Variants in ABHD18 observed in about 807,000 individuals in gnomAD.
The protein encoded by ABHD18 is abhydrolase domain containing 18.
In ABHD18, 55 loss-of-function variants were observed where a neutral mutation model predicts 65.9. The observed-to-expected ratio is 0.84, with a 90% CI of 0.67 to 1.05. ABHD18 has a LOEUF of 1.05. Among genes scored for constraint, ABHD18 ranks in the 50% least tolerant of loss-of-function variants. The pLI, the probability that ABHD18 is intolerant of heterozygous loss-of-function variation, is 0.00. For missense variants in ABHD18, 533 were observed against 558.5 expected, an observed-to-expected ratio of 0.95 and a Z score of 0.46; for synonymous variants, 181 against 180.2, an observed-to-expected ratio of 1.00 and a Z score of -0.04.
chr4:128,003,013 C>T (rs958112353), intron 4 of ABHD18, among the ~76,000 whole-genome samples: 1 of 152,128 alleles, frequency 6.6e-6, no homozygotes, highest in South Asian at 2.1e-4. Context: ...TTGTTCACCA[C>T]TTGTTTGACA....
chr4:128,035,918 C>T lies in ABHD18; in HGVS notation c.*105C>T. 2 of 553,474 alleles carry T rather than the reference C, an allele frequency of 3.6e-6. No homozygotes were observed. 34.3% of individuals were successfully genotyped at this position (553,474 alleles called of 1,614,324 possible). On this transcript the variant is annotated 3_prime_UTR_variant, in exon 13 of 13. Coordinates refer to ENST00000645843, the MANE Select transcript of ABHD18 (RefSeq NM_001358451.3). The stretch of plus-strand genomic sequence containing the variant: ...AGCAGACAGCACTAATATATCTAAT[C>T]GCTATCAATTTGGTCTGGAATTCAT...
chr4:127,990,922 G>C (rs1750810491), intron 4 of ABHD18, among the ~76,000 whole-genome samples: 2 of 152,146 alleles, frequency 1.3e-5, no homozygotes, highest in South Asian at 4.1e-4. Context: ...AGGCTGGATG[G>C]AGTGCAGTGG....
rs148896888 is a variant in ABHD18, at chr4:128,011,250, A to G, written c.443-423A>G. On this transcript the variant is annotated intron_variant, in intron 6 of 12. Transcript: ENST00000645843. ...GCAGGCTCCGCCCCCCAGGGTTCAC[A>G]CCATTCTCCTGCCTCAGCCTCCCGC... 4.9e-3 allele frequency among the ~76,000 whole-genome samples: 740 copies of G among 151,048 alleles called. 8 individuals are homozygous for G. Among genetic ancestry groups the G allele is most frequent in the African/African-American group, 0.017 (698 of 41,116 alleles).
chr4:128,023,031 A>G (rs1292458293), intron 10 of ABHD18, among the ~76,000 whole-genome samples: 1 of 152,078 alleles, frequency 6.6e-6, no homozygotes, highest in Non-Finnish European at 1.5e-5. Flanking sequence ...GGCCTCCCAG[A>G]GTGCTGGGAT....
At chr4:128,021,350 C>A in intron 10 of ABHD18, 112 bp downstream of exon 10, 1 of 638,078 alleles carries the variant, frequency 1.6e-6, no homozygotes. Flanking sequence ...GCTGTACATA[C>A]TATTTTTTAC....
At chr4:128,027,342 G>C (rs1560930447) in intron 10 of ABHD18, among the ~76,000 whole-genome samples, 1 of 152,082 alleles carries the variant, frequency 6.6e-6, no homozygotes, top group Non-Finnish European at 1.5e-5. Flanking sequence ...GTATTTACAA[G>C]TCCTTAAACT....
At chr4:127,972,216 A>G (rs1391831921) in intron 1 of ABHD18, among the ~76,000 whole-genome samples, 1 of 152,196 alleles carries the variant, frequency 6.6e-6, no homozygotes, top group Admixed American at 6.6e-5. Flanking sequence ...CTGACGCACC[A>G]AGGTGTTCAT....
At chr4:127,992,317 CA>C (rs1229820469) in intron 4 of ABHD18, among the ~76,000 whole-genome samples, 1 of 151,898 alleles carries the variant, frequency 6.6e-6, no homozygotes, top group Non-Finnish European at 1.5e-5. Flanking sequence ...ACTAAAAATA[CA>C]AAAAAATTTA....
chr4:127,974,771 GA>G (rs2149047330), intron 1 of ABHD18, among the ~76,000 whole-genome samples: 1 of 151,712 alleles, frequency 6.6e-6, no homozygotes, highest in African/African-American at 2.4e-5. Context: ...GTAGAGGGTG[GA>G]TCACCTGAGG....
At chr4:127,985,951 G>T (rs1178243362) in intron 3 of ABHD18, among the ~76,000 whole-genome samples, 1 of 152,056 alleles carries the variant, frequency 6.6e-6, no homozygotes, top group Non-Finnish European at 1.5e-5. Context: ...GGATGCGGAG[G>T]TTGCAGTGAA....
At chr4:127,978,359 G>A (rs1318926474) in intron 1 of ABHD18, among the ~76,000 whole-genome samples, 3 of 151,974 alleles carry the variant, frequency 2.0e-5, no homozygotes, top group Non-Finnish European at 4.4e-5. Context: ...TACAATGACC[G>A]CCAATGAGAA....
chr4:128,003,421 A>G (rs902590015), intron 4 of ABHD18, among the ~76,000 whole-genome samples: 10 of 152,042 alleles, frequency 6.6e-5, no homozygotes, highest in Non-Finnish European at 1.3e-4. Context: ...ATTAAAATAC[A>G]TATTGTAAAC....
chr4:128,021,075 T>A, intron 9 of ABHD18, 62 bp from the exon 10 acceptor site: 9 of 899,346 alleles, frequency 1.0e-5, no homozygotes, highest in Non-Finnish European at 1.5e-5. Context: ...GTAATAATAA[T>A]AAAAGTATTG....
chr4:128,011,908 A>G (rs1754646193), intron 7 of ABHD18, among the ~76,000 whole-genome samples: 2 of 152,298 alleles, frequency 1.3e-5, no homozygotes, highest in South Asian at 2.1e-4. Context: ...AGGAAATACA[A>G]TAAAAAATTT....
rs147310155 is a variant in ABHD18, at chr4:128,006,893, G to A, written c.279-2027G>A. 9.0e-4 allele frequency among the ~76,000 whole-genome samples: 137 copies of A among 152,030 alleles called. 2 individuals carry two copies. The highest frequency in any genetic ancestry group is 3.1e-3 in the African/African-American group (127 of 41,472). ...TCAACCCAGGAGTTCAAGACCATTC[G>A]GGGCAACATAAGGAGACTGTCTCCA... is the stretch of plus-strand genomic sequence containing the variant. On this transcript the variant is annotated intron_variant, in intron 4 of 12. Coordinates refer to ENST00000645843, the MANE Select transcript of ABHD18 (RefSeq NM_001358451.3).
At chr4:128,031,659 G>A (rs1316400987) in intron 12 of ABHD18, among the ~76,000 whole-genome samples, 1 of 152,098 alleles carries the variant, frequency 6.6e-6, no homozygotes, top group Non-Finnish European at 1.5e-5. Context: ...TATGTGATAT[G>A]TTTGACATGT....
chr4:127,987,747 G>C (rs1750230936), intron 3 of ABHD18, among the ~76,000 whole-genome samples: 1 of 151,490 alleles, frequency 6.6e-6, no homozygotes, highest in African/African-American at 2.4e-5. Flanking sequence ...TACATAAGAA[G>C]AACACTTTAT....
At position 128,037,612 on chromosome 4, in the gene ABHD18, A is replaced by G. The variant is rs908619464; in HGVS notation, c.*1799A>G. 2 of 152,128 alleles carry G rather than the reference A, an allele frequency of 1.3e-5. No homozygotes were observed. Among genetic ancestry groups the G allele is most frequent in the Non-Finnish European group, 2.9e-5 (2 of 68,024 alleles). The allele number at this position is 152,128 out of a possible 1,614,324, so 9.4% of individuals were successfully genotyped here. On this transcript the variant is annotated 3_prime_UTR_variant, in exon 13 of 13. Transcript: ENST00000645843. ...CTTGGCCTCCCAAAGTGCTGGGATT[A>G]TAGGTTTGAGCCACCACACCCGACC...
chr4:127,968,963 T>C (rs1746213024), intron 1 of ABHD18, among the ~76,000 whole-genome samples: 1 of 152,166 alleles, frequency 6.6e-6, no homozygotes. Context: ...AACTGTCTTT[T>C]ATGTTGTTCT....
Sources: allele counts gnomAD v4.1 joint callset (sites outside exome capture counted in the v4.1 genomes callset), GRCh38; gene constraint gnomAD v4.1.1; transcripts MANE v1.5; gene names NCBI Gene and HGNC (gene_info 2026-07-23, HGNC 2026-07-21).